The following CNTNAP2 variants were observed in gnomAD, a reference collection of about 807,000 sequenced individuals.
CNTNAP2 encodes contactin-associated protein-like 2.
CNTNAP2 carries 98 observed loss-of-function variants against 155.2 expected under a neutral mutation model. The observed-to-expected ratio is 0.63, with a 90% CI of 0.54 to 0.75. The LOEUF is 0.75. Ranked by LOEUF, CNTNAP2 falls within the 30% of genes least tolerant of loss-of-function variation. The probability of loss-of-function intolerance (pLI) is 0.00; values close to 1 mark genes in which losing one functional copy is unlikely to be tolerated. For synonymous variants in CNTNAP2, 651 were observed against 631.2 expected (o/e 1.03, Z -0.47); for missense variants, 1,727 against 1,688.1 (o/e 1.02, Z -0.40).
intron 1 of CNTNAP2, among the ~76,000 whole-genome samples, chr7:146,286,859 A>C (rs972093782): frequency 2.6e-5 from 4 of 152,142 alleles, no homozygotes; most frequent in African/African-American, 7.2e-5. Context: ...TAATACCAGG[A>C]CTTTGTGAGG....
intron 1 of CNTNAP2, among the ~76,000 whole-genome samples, chr7:146,308,306 A>G (rs1285331007): frequency 1.3e-5 from 2 of 152,206 alleles, no homozygotes; most frequent in Non-Finnish European, 2.9e-5. Context: ...TAGAATGGCA[A>G]TCATTAAAAA....
At chr7:147,968,242 G>T (rs932055060) in intron 14 of CNTNAP2, among the ~76,000 whole-genome samples, 4 of 152,124 alleles carry the variant, frequency 2.6e-5, no homozygotes, top group African/African-American at 9.7e-5. Context: ...TGGTTACAAG[G>T]GCTTTCTAAG....
chr7:148,308,930 T>G (rs1008719801), intron 21 of CNTNAP2, among the ~76,000 whole-genome samples: 1 of 152,186 alleles, frequency 6.6e-6, no homozygotes, highest in Non-Finnish European at 1.5e-5. Context: ...GGCTGCATAG[T>G]GTTCCATGGT....
intron 13 of CNTNAP2, among the ~76,000 whole-genome samples, chr7:147,710,337 C>T (rs1467259003): frequency 2.6e-5 from 4 of 152,092 alleles, no homozygotes; most frequent in Admixed American, 6.6e-5. Context: ...ATAATTTATC[C>T]TCTGTTTCCC....
intron 13 of CNTNAP2, among the ~76,000 whole-genome samples, chr7:147,855,115 C>T (rs546225801): frequency 2.0e-5 from 3 of 152,252 alleles, no homozygotes; most frequent in African/African-American, 7.2e-5. Flanking sequence ...ATGCGGCTCA[C>T]ATTGTATTTC....
chr7:148,068,675 T>G (rs777179814), intron 15 of CNTNAP2, among the ~76,000 whole-genome samples: 59 of 152,186 alleles, frequency 3.9e-4, no homozygotes, highest in Non-Finnish European at 1.3e-4. Flanking sequence ...TAGGGCTGAT[T>G]TTTTCCCAAT....
At chr7:146,645,468 C>G (rs929148034) in intron 1 of CNTNAP2, among the ~76,000 whole-genome samples, 4 of 152,110 alleles carry the variant, frequency 2.6e-5, no homozygotes, top group Non-Finnish European at 4.4e-5. Context: ...GGGTTTCTAT[C>G]CCGTCATGTT....
At chr7:147,033,770 T>C (rs956709908) in intron 3 of CNTNAP2, among the ~76,000 whole-genome samples, 10 of 142,986 alleles carry the variant, frequency 7.0e-5, no homozygotes, top group Non-Finnish European at 1.1e-4. Context: ...AAAAACATAA[T>C]GAAGTAATCA....
rs553035616 is a variant in CNTNAP2 at position 146,533,107 on chromosome 7, C to CAAAAAAAAA, written c.98-241144_98-241136dup. Among the ~76,000 whole-genome samples the CAAAAAAAAA allele has an allele frequency of 1.1e-3, 51 of 47,852 alleles. 1 individual carries two copies. Among genetic ancestry groups the CAAAAAAAAA allele is most frequent in the African/African-American group, 3.3e-3 (48 of 14,696 alleles). The allele number at this position is 47,852 out of a possible 152,430, so 31.4% of individuals were successfully genotyped here. A position where few individuals can be genotyped will look rare whatever the true frequency, so the allele number is the denominator to read the frequency against. ...ACTGAGGGAGAGGGAGACCCTGTCT[C>CAAAAAAAAA]AAAAAAAAAAAAAAAAAAAAAAAAA... On this transcript the variant is annotated intron_variant, in intron 1 of 23. Transcript: ENST00000361727.
At chr7:146,930,108 G>A (rs1358647127) in intron 3 of CNTNAP2, among the ~76,000 whole-genome samples, 6 of 152,036 alleles carry the variant, frequency 3.9e-5, no homozygotes, top group Non-Finnish European at 7.4e-5. Context: ...GATACTCCTC[G>A]AGAAGAGCAA....
At chr7:146,637,290 A>G (rs1799615110) in intron 1 of CNTNAP2, among the ~76,000 whole-genome samples, 1 of 152,190 alleles carries the variant, frequency 6.6e-6, no homozygotes, top group Non-Finnish European at 1.5e-5. Flanking sequence ...TTTTCAATAC[A>G]TATTACACAT....
intron 1 of CNTNAP2, among the ~76,000 whole-genome samples, chr7:146,444,315 G>A (rs1724478): frequency 0.036 from 5,440 of 152,074 alleles, 346 homozygotes; most frequent in African/African-American, 0.12. Flanking sequence ...ATGAACCACC[G>A]CACCCAGCCT....
At chr7:147,625,829 C>T (rs1191953404) in intron 12 of CNTNAP2, among the ~76,000 whole-genome samples, 1 of 152,136 alleles carries the variant, frequency 6.6e-6, no homozygotes, top group African/African-American at 2.4e-5. Context: ...TGAGCATTCC[C>T]AAAGTGTGAG....
chr7:147,504,310 A>C (rs1382756800), intron 11 of CNTNAP2, among the ~76,000 whole-genome samples: 1 of 152,158 alleles, frequency 6.6e-6, no homozygotes, highest in African/African-American at 2.4e-5. Context: ...ACCTAGAGGC[A>C]TGTATGAAAA....
intron 11 of CNTNAP2, among the ~76,000 whole-genome samples, chr7:147,508,590 T>C (rs1158344514): frequency 6.6e-6 from 1 of 152,216 alleles, no homozygotes; most frequent in Non-Finnish European, 1.5e-5. Flanking sequence ...AATCCGGATA[T>C]TCTTTGGCTG....
intron 2 of CNTNAP2, among the ~76,000 whole-genome samples, chr7:146,838,075 A>C (rs756365037): frequency 3.3e-5 from 5 of 151,962 alleles, no homozygotes; most frequent in Non-Finnish European, 7.4e-5. Flanking sequence ...CCTCTCTGGG[A>C]CTCTGTCCTG....
chr7:146,721,811 T>A (rs1310571755), intron 1 of CNTNAP2, among the ~76,000 whole-genome samples: 9 of 124,870 alleles, frequency 7.2e-5, no homozygotes, highest in Non-Finnish European at 1.4e-4. Context: ...CTATATATAG[T>A]CTATATATGT....
At chr7:146,712,367 A>G (rs1330390654) in intron 1 of CNTNAP2, among the ~76,000 whole-genome samples, 1 of 140,966 alleles carries the variant, frequency 7.1e-6, no homozygotes, top group Non-Finnish European at 1.5e-5. Flanking sequence ...ACTATATAGT[A>G]TACATATCTT....
intron 4 of CNTNAP2, among the ~76,000 whole-genome samples, chr7:147,089,539 TTTC>T (rs1367025891): frequency 6.6e-6 from 1 of 152,200 alleles, no homozygotes; most frequent in Non-Finnish European, 1.5e-5. Flanking sequence ...ATTGAGACAT[TTTC>T]TTCATTTTGA....
Sources: allele counts gnomAD v4.1 joint callset (sites outside exome capture counted in the v4.1 genomes callset), GRCh38; gene constraint gnomAD v4.1.1; transcripts MANE v1.5; gene names NCBI Gene and HGNC (gene_info 2026-07-23, HGNC 2026-07-21).